AKAP10: variants seen among roughly 807,000 people sequenced by gnomAD.
AKAP10 encodes A-kinase anchor protein 10, mitochondrial.
AKAP10 carries 24 observed loss-of-function variants against 80.8 expected under a neutral mutation model. The ratio of observed to expected loss-of-function variants is 0.30; its 90% CI spans 0.22 to 0.42. The LOEUF is 0.42. Ranked by LOEUF, AKAP10 falls within the 10% of genes least tolerant of loss-of-function variation. The probability of loss-of-function intolerance (pLI) is 1.00; values close to 1 mark genes in which losing one functional copy is unlikely to be tolerated. For synonymous variants in AKAP10, 291 were observed against 277.7 expected, an observed-to-expected ratio of 1.05 and a Z score of -0.48; for missense variants, 661 against 794.9, an observed-to-expected ratio of 0.83 and a Z score of 2.03.
chr17:19,957,666 T>C (rs936694125), intron 4 of AKAP10, among the ~76,000 whole-genome samples: 2 of 152,228 alleles, frequency 1.3e-5, no homozygotes, highest in Non-Finnish European at 2.9e-5. Flanking sequence ...TTTTTAAAAA[T>C]TTTATCTGCA....
intron 5 of AKAP10, among the ~76,000 whole-genome samples, chr17:19,942,281 A>C (rs1254797656): frequency 6.6e-6 from 1 of 152,254 alleles, no homozygotes; most frequent in African/African-American, 2.4e-5. Context: ...AAAAATGAGC[A>C]AAGGACATGA....
intron 4 of AKAP10, among the ~76,000 whole-genome samples, chr17:19,956,970 G>C (rs1173689356): frequency 6.6e-6 from 1 of 152,072 alleles, no homozygotes; most frequent in African/African-American, 2.4e-5. Flanking sequence ...TGATTCAGTA[G>C]CAGATTAGAC....
chr17:19,970,226 A>G (rs1427681507), intron 1 of AKAP10, among the ~76,000 whole-genome samples: 1 of 152,156 alleles, frequency 6.6e-6, no homozygotes, highest in Non-Finnish European at 1.5e-5. Context: ...CCCACTACTC[A>G]GACCAAAATT....
Position 19,936,301 on chromosome 17 carries a change from C to T in AKAP10, c.1452G>A (p.Trp484Ter), listed in dbSNP as rs1404707819. 1 of 1,612,720 alleles carries T rather than the reference C, an allele frequency of 6.2e-7. No homozygotes were observed. The highest frequency in any genetic ancestry group is 1.3e-5 in the African/African-American group (1 of 74,852). ...TCTGGGTTACCTTCTCCATGGTTGT[C>T]CAGGCCTGACGTAATGGAGTTGTGA... ...NCFTTPLRQAWTTMEKVFLPG... is the reference protein window; with the variant it reads ...NCFTTPLRQA The change falls in exon 9 of 15, where the codon TGG (tryptophan) becomes TGA (stop). Residue 484 changes from tryptophan (W) to a stop codon, truncating the protein, a stop_gained. Coordinates refer to ENST00000225737, the MANE Select transcript of AKAP10 (RefSeq NM_007202.4). LOFTEE classifies it high-confidence loss of function.
chr17:19,956,287 T>C (rs1351981418), intron 4 of AKAP10, among the ~76,000 whole-genome samples: 2 of 152,160 alleles, frequency 1.3e-5, no homozygotes, highest in Non-Finnish European at 2.9e-5. Context: ...ACTTAATTTA[T>C]ACAGAGTACA....
In AKAP10 at chr17:19,977,673, C is replaced by G. The variant is rs893992070; in HGVS notation, c.7G>C (p.Gly3Arg). Residue 3 changes from glycine (G) to arginine (R), a missense_variant, in exon 1 of 15, where the codon GGA becomes CGA. Transcript: ENST00000225737. ...GACTGGCGCGGGGAGGGCCCGGCTC[C>G]CCTCATTCAGCAACCGGCCCGGACT... is the stretch of plus-strand genomic sequence containing the variant. MRGAGPSPRQSPR... is the reference protein window; with the variant it reads MRRAGPSPRQSPR... The G allele has an allele frequency of 4.0e-6, 5 of 1,235,312 alleles. No individual in the cohort carries two copies. The highest frequency in any genetic ancestry group is 8.4e-5 in the Admixed American group (2 of 23,710). 76.5% of individuals were successfully genotyped at this position (1,235,312 alleles called of 1,614,324 possible).
At position 19,972,069 on chromosome 17, in the gene AKAP10, G is replaced by A. The variant is rs138863016; in HGVS notation, c.89-3608C>T. Reference sequence around the variant, plus strand: ...TGTGGTGAGCCGAGATCATGCCACTGCATTCTAGCCTGGGCGACATAGACT... The same window carrying A: ...TGTGGTGAGCCGAGATCATGCCACTACATTCTAGCCTGGGCGACATAGACT... On this transcript the variant is annotated intron_variant, in intron 1 of 14. Coordinates refer to ENST00000225737, the MANE Select transcript of AKAP10 (RefSeq NM_007202.4). Among the ~76,000 whole-genome samples, 230 of 152,292 alleles carry A rather than the reference G, an allele frequency of 1.5e-3. 2 individuals are homozygous for A. The highest frequency in any genetic ancestry group is 5.2e-3 in the African/African-American group (216 of 41,556).
chr17:19,948,791 A>G (rs1046252832), intron 4 of AKAP10, among the ~76,000 whole-genome samples: 1 of 152,120 alleles, frequency 6.6e-6, no homozygotes, highest in African/African-American at 2.4e-5. Flanking sequence ...AAAAGTGTAC[A>G]AAGGCTTTGG....
chr17:19,966,743 T>C (rs544580745), intron 2 of AKAP10, among the ~76,000 whole-genome samples: 4 of 119,196 alleles, frequency 3.4e-5, no homozygotes, highest in Admixed American at 8.6e-5. Flanking sequence ...AGTTACAACT[T>C]CCCAAGGTCA....
intron 2 of AKAP10, among the ~76,000 whole-genome samples, chr17:19,964,998 A>C (rs1001893392): frequency 2.6e-5 from 4 of 152,176 alleles, no homozygotes; most frequent in Admixed American, 1.3e-4. Flanking sequence ...CCTAGGGTAC[A>C]CCTCTGTGGA....
At chr17:19,976,829 A>AT (rs1173158394) in intron 1 of AKAP10, among the ~76,000 whole-genome samples, 3 of 152,170 alleles carry the variant, frequency 2.0e-5, no homozygotes, top group African/African-American at 4.8e-5. Flanking sequence ...TGTCTGGTAC[A>AT]TTTTATCTGA....
At chr17:19,935,009 CTCAATCAATCAA>C (rs369344588) in intron 9 of AKAP10, among the ~76,000 whole-genome samples, 3 of 151,826 alleles carry the variant, frequency 2.0e-5, no homozygotes, top group South Asian at 2.1e-4. Context: ...GAAACTCTGT[CTCAATCAATCAA>C]TCAATCAATC....
At chr17:19,951,497 T>C (rs1412831123) in intron 4 of AKAP10, among the ~76,000 whole-genome samples, 1 of 152,268 alleles carries the variant, frequency 6.6e-6, no homozygotes, top group African/African-American at 2.4e-5. Flanking sequence ...AGATTGTTAC[T>C]GTGTCTGTGT....
intron 1 of AKAP10, among the ~76,000 whole-genome samples, chr17:19,969,618 A>G (rs2043468863): frequency 6.6e-6 from 1 of 151,934 alleles, no homozygotes; most frequent in Non-Finnish European, 1.5e-5. Context: ...CCATCTCTGT[A>G]TTTGTGCTCT....
At chr17:19,933,674 C>G (rs929364030) in intron 9 of AKAP10, among the ~76,000 whole-genome samples, 6 of 152,108 alleles carry the variant, frequency 3.9e-5, no homozygotes, top group Admixed American at 3.9e-4. Flanking sequence ...TAACAGCTGA[C>G]ACTCTATTCT....
chr17:19,940,384 C>A (rs1937581901), intron 7 of AKAP10, among the ~76,000 whole-genome samples: 2 of 152,180 alleles, frequency 1.3e-5, no homozygotes, highest in Admixed American at 1.3e-4. Flanking sequence ...TGCTTTCCAA[C>A]AAAATAATTT....
chr17:19,917,225 A>G (rs1437410048), intron 12 of AKAP10, among the ~76,000 whole-genome samples: 1 of 152,030 alleles, frequency 6.6e-6, no homozygotes, highest in Non-Finnish European at 1.5e-5. Context: ...AGATCGCGCC[A>G]CAGCACTCCA....
At position 19,949,180 on chromosome 17, in the gene AKAP10, A is replaced by G. The variant is rs116998810; in HGVS notation, c.878-1675T>C. On this transcript the variant is annotated intron_variant, in intron 4 of 14. Coordinates refer to ENST00000225737, the MANE Select transcript of AKAP10 (RefSeq NM_007202.4). Reference sequence around the variant, plus strand: ...AGAAATAAGATCACTCCTGAAACAAATAAGAGTTTCAGGAGCAAAGTATAA... The same window carrying G: ...AGAAATAAGATCACTCCTGAAACAAGTAAGAGTTTCAGGAGCAAAGTATAA... 2.0e-3 allele frequency among the ~76,000 whole-genome samples: 309 copies of G among 152,246 alleles called. 9 individuals carry two copies. In the East Asian group the frequency reaches 0.05, roughly 24 times the overall value.
At chr17:19,932,312 C>T (rs1381170525) in intron 9 of AKAP10, among the ~76,000 whole-genome samples, 1 of 151,888 alleles carries the variant, frequency 6.6e-6, no homozygotes, top group East Asian at 1.9e-4. Context: ...ATTAGCTAGG[C>T]ATGGTGGTGA....
Sources: allele counts gnomAD v4.1 joint callset (sites outside exome capture counted in the v4.1 genomes callset), GRCh38; gene constraint gnomAD v4.1.1; transcripts MANE v1.5; gene names NCBI Gene and HGNC (gene_info 2026-07-23, HGNC 2026-07-21).